PELI2: variants seen among roughly 807,000 people sequenced by gnomAD.
PELI2 encodes the protein E3 ubiquitin-protein ligase pellino homolog 2.
Under a neutral mutation model 42.3 loss-of-function variants are expected in PELI2, and 23 were observed. That is an observed-to-expected ratio of 0.54 (90% CI 0.39 to 0.77). The LOEUF is 0.77. Ranked by LOEUF, PELI2 falls within the 30% of genes least tolerant of loss-of-function variation. The pLI is 0.00. For missense variants in PELI2, 463 were observed against 553.2 expected (o/e 0.84, Z 1.64); for synonymous variants, 245 against 212.2 (o/e 1.15, Z -1.34).
At chr14:56,266,266 C>G (rs1429589665) in intron 2 of PELI2, among the ~76,000 whole-genome samples, 1 of 151,868 alleles carries the variant, frequency 6.6e-6, no homozygotes, top group Non-Finnish European at 1.5e-5. Flanking sequence ...TTGTTTGACT[C>G]TAGAAACTTT....
chr14:56,188,106 T>C (rs1450540836), intron 2 of PELI2, among the ~76,000 whole-genome samples: 1 of 152,226 alleles, frequency 6.6e-6, no homozygotes, highest in Non-Finnish European at 1.5e-5. Flanking sequence ...TTCTGTGAAC[T>C]CCTAGAATGC....
intron 3 of PELI2, among the ~76,000 whole-genome samples, chr14:56,283,248 T>G (rs1479001934): frequency 6.6e-6 from 1 of 152,216 alleles, no homozygotes; most frequent in African/African-American, 2.4e-5. Flanking sequence ...CAGCTTCCCG[T>G]TACTAACTTC....
At chr14:56,286,746 TTTGTTG>T (rs967238224) in intron 3 of PELI2, among the ~76,000 whole-genome samples, 11 of 152,108 alleles carry the variant, frequency 7.2e-5, no homozygotes, top group Admixed American at 2.6e-4. Context: ...TGTTGTTTTT[TTTGTTG>T]TTGTTGTTGT....
chr14:56,292,645 A>G (rs1198042359), intron 5 of PELI2: 4 of 244,426 alleles, frequency 1.6e-5, no homozygotes, highest in African/African-American at 9.3e-5. Context: ...TTAATATCAT[A>G]CTGAGCATTT....
intron 2 of PELI2, among the ~76,000 whole-genome samples, chr14:56,203,620 T>C (rs1173554491): frequency 1.3e-5 from 2 of 152,110 alleles, no homozygotes; most frequent in African/African-American, 4.8e-5. Flanking sequence ...AACATGATGT[T>C]TATGAGGCCA....
intron 2 of PELI2, among the ~76,000 whole-genome samples, chr14:56,210,056 T>G (rs551372787): frequency 2.6e-5 from 4 of 152,234 alleles, no homozygotes; most frequent in East Asian, 1.9e-4. Flanking sequence ...TATTAGACAT[T>G]GTTATATTAA....
chr14:56,191,519 C>T (rs1231827256), intron 2 of PELI2, among the ~76,000 whole-genome samples: 1 of 152,172 alleles, frequency 6.6e-6, no homozygotes, highest in African/African-American at 2.4e-5. Flanking sequence ...GGGTTGCCTG[C>T]CTGGGCACCT....
chr14:56,218,775 C>T (rs939335255), intron 2 of PELI2, among the ~76,000 whole-genome samples: 2 of 151,872 alleles, frequency 1.3e-5, no homozygotes, highest in African/African-American at 4.8e-5. Context: ...GATTTAATTG[C>T]CAAGATGATT....
At position 56,290,282 on chromosome 14, in the gene PELI2, G is replaced by C. The variant is rs773345549; in HGVS notation, c.522G>C (p.Lys174Asn). ...GTTCTCTCCAGGAAAAGGCAGCAAA[G>C]TGGAAAAACCCCGACGGCCACATGG... ...KNIFLGEKAA[K>N]WKNPDGHMDG... is the part of the protein sequence containing the mutation. Residue 174 changes from lysine to asparagine, a missense_variant, in exon 5 of 6, where the codon AAG (lysine) becomes AAC (asparagine). Physicochemically the swap from Lys to Asn is moderately conservative, Grantham distance 94 (BLOSUM62 0). Around this residue, in one of 3 missense-constraint regions of PELI2, gnomAD observed 343 missense variants for 378.4 expected, o/e 0.91. Transcript: ENST00000267460. The C allele has an allele frequency of 6.3e-7, 1 of 1,593,252 alleles. No individual in the cohort carries two copies. The highest frequency in any genetic ancestry group is 8.6e-7 in the Non-Finnish European group (1 of 1,166,032).
At chr14:56,118,818 T>A in intron 1 of PELI2, 81 bp downstream of exon 1, 1 of 963,296 alleles carries the variant, frequency 1.0e-6, no homozygotes, top group Non-Finnish European at 1.5e-6. Context: ...GCGGGGTGGC[T>A]CGGTGCTCTT....
chr14:56,153,466 G>T (rs1595560907), intron 1 of PELI2, among the ~76,000 whole-genome samples: 1 of 152,196 alleles, frequency 6.6e-6, no homozygotes. Flanking sequence ...CCTGATTCAT[G>T]GTGCTGACAA....
intron 2 of PELI2, among the ~76,000 whole-genome samples, chr14:56,220,075 C>T (rs1887066747): frequency 6.6e-6 from 1 of 152,190 alleles, no homozygotes; most frequent in Non-Finnish European, 1.5e-5. Flanking sequence ...GTCTTATCTA[C>T]AGGCTGCAGA....
intron 2 of PELI2, among the ~76,000 whole-genome samples, chr14:56,210,214 G>A (rs944917067): frequency 1.3e-5 from 2 of 151,974 alleles, no homozygotes; most frequent in Non-Finnish European, 2.9e-5. Flanking sequence ...GATGAGAGGG[G>A]TGCGGAGGAG....
chr14:56,246,794 C>T (rs1490236469), intron 2 of PELI2, among the ~76,000 whole-genome samples: 1 of 152,166 alleles, frequency 6.6e-6, no homozygotes, highest in Admixed American at 6.5e-5. Context: ...TGTCTCCTAT[C>T]CCATTTAATT....
intron 2 of PELI2, among the ~76,000 whole-genome samples, chr14:56,227,663 C>G (rs1887407546): frequency 6.6e-6 from 1 of 152,172 alleles, no homozygotes; most frequent in Non-Finnish European, 1.5e-5. Context: ...AGCAGCAGCA[C>G]TCCAGTAGCA....
chr14:56,231,224 C>A (rs1401379468), intron 2 of PELI2, among the ~76,000 whole-genome samples: 1 of 152,108 alleles, frequency 6.6e-6, no homozygotes, highest in East Asian at 1.9e-4. Context: ...ACAAGGATAT[C>A]CAGGACTTGA....
chr14:56,286,089 C>T (rs144463025), intron 3 of PELI2, among the ~76,000 whole-genome samples: 133 of 152,282 alleles, frequency 8.7e-4, no homozygotes, highest in African/African-American at 2.4e-3. Flanking sequence ...AAAACAACAA[C>T]AGCAACTATA....
intron 2 of PELI2, among the ~76,000 whole-genome samples, chr14:56,185,981 C>T (rs533498403): frequency 3.3e-5 from 5 of 152,068 alleles, no homozygotes; most frequent in Non-Finnish European, 7.4e-5. Context: ...TATTACCTTA[C>T]ATGGCAAAAG....
At chr14:56,188,483 A>G (rs116766720) in intron 2 of PELI2, among the ~76,000 whole-genome samples, 1,748 of 152,302 alleles carry the variant, frequency 0.011, 39 homozygotes, top group African/African-American at 0.04. Flanking sequence ...CCTGTATCAT[A>G]AAATGACCAT....
Sources: allele counts gnomAD v4.1 joint callset (sites outside exome capture counted in the v4.1 genomes callset), GRCh38; gene constraint gnomAD v4.1.1; regional missense constraint gnomAD v4.1.1; transcripts MANE v1.5; gene names NCBI Gene and HGNC (gene_info 2026-07-23, HGNC 2026-07-21).